Variants in HERC2 observed in about 807,000 individuals in gnomAD.
HERC2 encodes the protein HECT and RLD domain containing E3 ubiquitin protein ligase 2, also known as E3 ubiquitin-protein ligase HERC2.
HERC2 carries 102 observed loss-of-function variants against 537.7 expected under a neutral mutation model. The ratio of observed to expected loss-of-function variants is 0.19; its 90% CI spans 0.16 to 0.22. HERC2 has a LOEUF of 0.22. Among genes scored for constraint, HERC2 ranks in the 10% least tolerant of loss-of-function variants. The pLI, the probability that HERC2 is intolerant of heterozygous loss-of-function variation, is 1.00. For synonymous variants in HERC2, 2,224 were observed against 2,466.2 expected, an observed-to-expected ratio of 0.90 and a Z score of 2.91; for missense variants, 4,236 against 6,198.2, an observed-to-expected ratio of 0.68 and a Z score of 10.63.
At chr15:28,162,470 A>C (rs1456937498) in intron 69 of HERC2, among the ~76,000 whole-genome samples, 2 of 152,270 alleles carry the variant, frequency 1.3e-5, no homozygotes, top group Non-Finnish European at 2.9e-5. Context: ...AAAAATTTCT[A>C]CATGGCAAAA....
rs1291724860 is a variant in HERC2, at chr15:28,259,785, T to C, written c.2316+992A>G. Among the ~76,000 whole-genome samples the C allele has an allele frequency of 3.4e-5, 5 of 148,350 alleles. 1 individual carries two copies. The East Asian group carries it at 1.0e-3, about 30-fold the overall frequency. ...GGCTGGCCAACATGGTGAAACCCCA[T>C]CTCCACTAAAAAGAAAAAAAAAAAA... On this transcript the variant is annotated intron_variant, in intron 16 of 92. Coordinates refer to ENST00000261609, the MANE Select transcript of HERC2 (RefSeq NM_004667.6).
intron 4 of HERC2, 134 bp from the exon 5 acceptor site, chr15:28,280,421 T>C (rs2075991761): frequency 1.4e-6 from 1 of 695,320 alleles, no homozygotes; most frequent in South Asian, 1.9e-5. Flanking sequence ...TTTAACCACT[T>C]TACACACATG....
rs1890554346 is a variant in HERC2, at chr15:28,135,581, C to A, written c.12127G>T (p.Ala4043Ser). ...SIQHVFIKKV[A>S]VNSGGKHCLA... ...CAGTGCTTTCCTCCAGAGTTCACAG[C>A]TACTTTCTTAATAAACACATGCTGA... The change falls in exon 79 of 93, where the codon GCT (alanine) becomes TCT (serine). Residue 4043 changes from alanine to serine, a missense_variant. Physicochemically the swap from Ala to Ser is moderately conservative, Grantham distance 99. Transcript: ENST00000261609. 1 of 1,614,092 alleles carries A rather than the reference C, an allele frequency of 6.2e-7. No homozygotes were observed. The highest frequency in any genetic ancestry group is 1.3e-5 in the African/African-American group (1 of 74,940).
chr15:28,195,055 C>CAA (rs1432989896), intron 52 of HERC2, among the ~76,000 whole-genome samples: 24 of 98,170 alleles, frequency 2.4e-4, no homozygotes, highest in African/African-American at 8.1e-4. Flanking sequence ...GACTCCGTCT[C>CAA]AAAAAAAAAA....
Position 28,263,087 on chromosome 15 carries a change from A to T in HERC2, c.1953T>A (p.Ile651=), listed in dbSNP as rs1596344932. 1.9e-6 allele frequency: 3 copies of T among 1,614,184 alleles called. No homozygotes were observed. Among genetic ancestry groups the T allele is most frequent in the South Asian group, 1.1e-5 (1 of 91,078 alleles). ...CCACATCCAAGTCTTGAAGCTTTTC[A>T]ATCAGCTTTGGGGTTTTGCAGCCAT... ...GSDGCKTPKL[I]EKLQDLDVVK... The change falls in exon 15 of 93, where the codon ATT becomes ATA. Residue 651 remains isoleucine (I), a synonymous_variant. Transcript: ENST00000261609.
At chr15:28,281,575 A>C (rs764545875) in intron 4 of HERC2, among the ~76,000 whole-genome samples, 17 of 152,220 alleles carry the variant, frequency 1.1e-4, no homozygotes, top group Non-Finnish European at 2.1e-4. Context: ...GGGCCTTAGA[A>C]GGCAGTAGAG....
At chr15:28,280,753 T>A (rs886608715) in intron 4 of HERC2, among the ~76,000 whole-genome samples, 5 of 151,266 alleles carry the variant, frequency 3.3e-5, no homozygotes, top group Non-Finnish European at 7.4e-5. Flanking sequence ...AAAAAAAAAA[T>A]ACAAAAATTA....
At chr15:28,306,377 G>A (rs1181103066) in intron 2 of HERC2, among the ~76,000 whole-genome samples, 1 of 152,216 alleles carries the variant, frequency 6.6e-6, no homozygotes, top group Non-Finnish European at 1.5e-5. Context: ...CAAACTGATT[G>A]ATTTGGATAC....
intron 54 of HERC2, 38 bp downstream of exon 54, chr15:28,191,101 T>G (rs539773127): frequency 4.4e-6 from 7 of 1,590,414 alleles, no homozygotes; most frequent in African/African-American, 1.3e-5. Flanking sequence ...GTCTTTATTA[T>G]AGAAGGTACT....
chr15:28,113,845 G>A lies in HERC2; in HGVS notation c.13914-167C>T, dbSNP rs1887925670. ...ATGCTTAGCAGCTCGGCACTGCAGA[G>A]CTTCTCCTGACACTGGGCTCATCTC... On this transcript the variant is annotated intron_variant, in intron 90 of 92. Transcript: ENST00000261609. This position sits in a 1 kb window ranked among gnomAD's most constrained non-coding sequence, Gnocchi z 7.0. 1.6e-6 allele frequency: 1 copy of A among 639,508 alleles called. No homozygotes were observed. Among genetic ancestry groups the A allele is most frequent in the Admixed American group, 2.3e-5 (1 of 43,954 alleles). 39.6% of individuals were successfully genotyped at this position (639,508 alleles called of 1,614,324 possible). A position where few individuals can be genotyped will look rare whatever the true frequency, so the allele number is the denominator to read the frequency against.
intron 85 of HERC2, 109 bp from the exon 86 acceptor site, chr15:28,121,538 G>A: frequency 2.3e-6 from 2 of 873,736 alleles, no homozygotes; most frequent in Non-Finnish European, 3.8e-6. Context: ...CCTTCTTAAG[G>A]ACAGAAAACT....
At chr15:28,293,685 G>A (rs1304352865) in intron 3 of HERC2, among the ~76,000 whole-genome samples, 1 of 152,138 alleles carries the variant, frequency 6.6e-6, no homozygotes, top group African/African-American at 2.4e-5. Flanking sequence ...GGAAAAGGGA[G>A]GGTGTAGAAC....
chr15:28,270,715 T>C lies in HERC2; in HGVS notation c.1237A>G (p.Ser413Gly). Reference sequence around the variant, plus strand: ...CACACCTTATGAGATGTCGGAGAGCTACACAGCGGAGGCATACAGGGCGTA... The same window carrying C: ...CACACCTTATGAGATGTCGGAGAGCCACACAGCGGAGGCATACAGGGCGTA... Reference protein sequence around the residue: ...LATPCMPPLCSSPTSHKGSLQ... With the variant: ...LATPCMPPLCGSPTSHKGSLQ... Residue 413 changes from serine to glycine, a missense_variant, in exon 10 of 93, where the codon AGC becomes GGC. Ser to Gly is a moderately conservative substitution (Grantham distance 56). Coordinates refer to ENST00000261609, the MANE Select transcript of HERC2 (RefSeq NM_004667.6). 1 of 1,613,858 alleles carries C rather than the reference T, an allele frequency of 6.2e-7. No homozygotes were observed. Among genetic ancestry groups the C allele is most frequent in the South Asian group, 1.1e-5 (1 of 91,060 alleles).
rs147713966 is a variant in HERC2, at chr15:28,122,361, C to T, written c.13189-932G>A. Among the ~76,000 whole-genome samples the T allele has an allele frequency of 5.6e-4, 86 of 152,306 alleles. No homozygotes were observed. The highest frequency in any genetic ancestry group is 2.0e-3 in the African/African-American group (83 of 41,570). ...CCAAGGAGGCAATCGTGCCTTCTTT[C>T]GGTTAGGGGTGGGCTGTGGGAGCAC... On this transcript the variant is annotated intron_variant, in intron 85 of 92. Coordinates refer to ENST00000261609, the MANE Select transcript of HERC2 (RefSeq NM_004667.6). The surrounding 1 kb of genome is among the most constrained non-coding windows in gnomAD (Gnocchi z 4.1).
chr15:28,277,093 AACAATAAT>A (rs2075894264), intron 5 of HERC2, among the ~76,000 whole-genome samples: 1 of 149,702 alleles, frequency 6.7e-6, no homozygotes, highest in African/African-American at 2.4e-5. Context: ...TTATAATAAT[AACAATAAT>A]AAAAAATTTA....
rs937366248 is a variant in HERC2, at chr15:28,130,576, G to A, written c.12589C>T (p.Leu4197Phe). 6.2e-7 allele frequency: 1 copy of A among 1,613,476 alleles called. No homozygotes were observed. The highest frequency in any genetic ancestry group is 8.5e-7 in the Non-Finnish European group (1 of 1,179,452). Reference sequence around the variant, plus strand: ...CCGCATTCCACTTTAACTACTCCAAGACCAGTAAGAGAATCAATCTAGAGG... The same window carrying A: ...CCGCATTCCACTTTAACTACTCCAAAACCAGTAAGAGAATCAATCTAGAGG... ...VPMKIDSLTG[L>F]GVVKVECGSQ... is the part of the protein sequence containing the mutation. The change falls in exon 82 of 93, where the codon CTT becomes TTT. Residue 4197 changes from leucine (L) to phenylalanine (F), a missense_variant. Leu to Phe is a conservative substitution (Grantham distance 22). Coordinates refer to ENST00000261609, the MANE Select transcript of HERC2 (RefSeq NM_004667.6).
At chr15:28,281,839 G>T (rs958740033) in intron 4 of HERC2, among the ~76,000 whole-genome samples, 1 of 151,874 alleles carries the variant, frequency 6.6e-6, no homozygotes, top group Non-Finnish European at 1.5e-5. Context: ...GCACTTCAAG[G>T]GCTAAGCCCT....
chr15:28,208,383 G>A (rs537592113), intron 44 of HERC2, among the ~76,000 whole-genome samples: 1 of 152,058 alleles, frequency 6.6e-6, no homozygotes, highest in African/African-American at 2.4e-5. Context: ...CACAGTGGAT[G>A]GCACCTTCCT....
Position 28,238,625 on chromosome 15 carries a change from G to C in HERC2, c.3725C>G (p.Ser1242Trp). 2.5e-6 allele frequency: 4 copies of C among 1,611,286 alleles called. No individual in the cohort carries two copies. The highest frequency in any genetic ancestry group is 3.4e-6 in the Non-Finnish European group (4 of 1,179,340). ...VYDIKDFQTQ[S>W]LTGNSILAQF... The stretch of plus-strand genomic sequence containing the variant: ...ACCAAGAATACTATTTCCTGTTAAC[G>C]ACTGTGTCTGGAAGTCCTTTATATC... The change falls in exon 24 of 93, where the codon TCG (serine) becomes TGG (tryptophan). Residue 1242 changes from serine (S) to tryptophan (W), a missense_variant. Ser to Trp is a radical substitution (Grantham distance 177). Around this residue, in one of 27 missense-constraint regions of HERC2, gnomAD observed 754 missense variants for 1,085.0 expected, o/e 0.69. Coordinates refer to ENST00000261609, the MANE Select transcript of HERC2 (RefSeq NM_004667.6).
Sources: gnomAD v4.1 joint callset for allele counts (sites outside exome capture counted in the v4.1 genomes callset) on GRCh38, gnomAD v4.1.1 for gene constraint, gnomAD v4.1.1 regional missense constraint, Gnocchi (gnomAD v3.1) non-coding constraint, MANE v1.5 for transcripts, NCBI Gene and HGNC (gene_info 2026-07-23, HGNC 2026-07-21) for gene names.